Variants in COLGALT2 observed in about 807,000 individuals in gnomAD.
The protein encoded by COLGALT2 is collagen beta(1-O)galactosyltransferase 2.
Under a neutral mutation model 73.4 loss-of-function variants are expected in COLGALT2, and 49 were observed. The observed-to-expected ratio is 0.67, with a 90% CI of 0.53 to 0.85. The LOEUF (loss-of-function observed/expected upper bound fraction) is 0.85, where lower values mean the gene tolerates loss of function less well. COLGALT2 is among the 40% of genes least tolerant of loss of function. The probability of loss-of-function intolerance (pLI) is 0.00; values close to 1 mark genes in which losing one functional copy is unlikely to be tolerated. For missense variants in COLGALT2, 722 were observed against 790.2 expected, an observed-to-expected ratio of 0.91 and a Z score of 1.03; for synonymous variants, 295 against 307.6, an observed-to-expected ratio of 0.96 and a Z score of 0.43.
At chr1:183,992,013 C>A (rs1344135571) in intron 1 of COLGALT2, among the ~76,000 whole-genome samples, 1 of 152,060 alleles carries the variant, frequency 6.6e-6, no homozygotes, top group Non-Finnish European at 1.5e-5. Context: ...GTTGCTGTTG[C>A]CTTTACTACT....
chr1:183,938,055 C>T lies in COLGALT2; in HGVS notation c.*706G>A, dbSNP rs188479720. The T allele has an allele frequency of 2.0e-6, 2 of 985,430 alleles. No individual in the cohort carries two copies. Among genetic ancestry groups the T allele is most frequent in the Admixed American group, 1.2e-4 (2 of 16,292 alleles). The allele number at this position is 985,430 out of a possible 1,614,324, so 61.0% of individuals were successfully genotyped here. ...TTGAGTTTTTTCCCTCAAATACCTA[C>T]ACAAACTGTCAAATATCTACTAAAT... On this transcript the variant is annotated 3_prime_UTR_variant, in exon 12 of 12. Transcript: ENST00000361927.
At chr1:184,002,176 C>T (rs2102839677) in intron 1 of COLGALT2, among the ~76,000 whole-genome samples, 1 of 152,368 alleles carries the variant, frequency 6.6e-6, no homozygotes, top group African/African-American at 2.4e-5. Flanking sequence ...CTAGCCTGTT[C>T]CACAGGCTGT....
intron 4 of COLGALT2, among the ~76,000 whole-genome samples, chr1:183,969,921 C>T (rs796543334): frequency 4.8e-4 from 73 of 152,302 alleles, no homozygotes; most frequent in African/African-American, 1.6e-3. Context: ...ATCTCTAAAA[C>T]AGGGATGACG....
intron 1 of COLGALT2, among the ~76,000 whole-genome samples, chr1:183,996,917 T>G (rs1671784515): frequency 6.6e-6 from 1 of 152,222 alleles, no homozygotes. Flanking sequence ...TTTTACATTT[T>G]TGAGCTTATC....
intron 1 of COLGALT2, among the ~76,000 whole-genome samples, chr1:184,012,351 G>A (rs1572676273): frequency 6.6e-6 from 1 of 152,164 alleles, no homozygotes; most frequent in African/African-American, 2.4e-5. Context: ...AACCATGTGT[G>A]TGTTATTCCC....
intron 1 of COLGALT2, among the ~76,000 whole-genome samples, chr1:184,005,107 C>T (rs1176433630): frequency 6.6e-6 from 1 of 152,222 alleles, no homozygotes; most frequent in African/African-American, 2.4e-5. Context: ...CTCTTTGCCT[C>T]AGCCTGCCTG....
intron 1 of COLGALT2, among the ~76,000 whole-genome samples, chr1:183,991,728 G>T (rs528097934): frequency 2.0e-5 from 3 of 152,284 alleles, no homozygotes; most frequent in East Asian, 3.9e-4. Context: ...AGTTTGGCAG[G>T]TGTTAGATAC....
chr1:184,036,970 T>TC (rs1277924717), intron 1 of COLGALT2, 125 bp downstream of exon 1: 2 of 840,142 alleles, frequency 2.4e-6, no homozygotes, highest in Non-Finnish European at 3.1e-6. Context: ...GCGCCAGATT[T>TC]TCCGCGTGCC....
chr1:183,944,521 G>A (rs545446591), intron 9 of COLGALT2, among the ~76,000 whole-genome samples, 198 bp from the exon 10 acceptor site: 14 of 152,190 alleles, frequency 9.2e-5, no homozygotes, highest in African/African-American at 2.4e-4. Context: ...ACAATTAAAC[G>A]CAACGTTATA....
At chr1:184,023,693 T>C (rs1649246006) in intron 1 of COLGALT2, among the ~76,000 whole-genome samples, 1 of 152,064 alleles carries the variant, frequency 6.6e-6, no homozygotes, top group Non-Finnish European at 1.5e-5. Flanking sequence ...TTGCACTTAC[T>C]TATTTTGCAT....
At chr1:183,971,196 G>A (rs1671028525) in intron 4 of COLGALT2, among the ~76,000 whole-genome samples, 1 of 152,114 alleles carries the variant, frequency 6.6e-6, no homozygotes, top group South Asian at 2.1e-4. Flanking sequence ...CAACATCAAG[G>A]ACATTTTGTT....
At position 183,936,546 on chromosome 1, in the gene COLGALT2, A is replaced by C; in HGVS notation, c.*2215T>G. 9.3e-7 allele frequency: 1 copy of C among 1,080,802 alleles called. No individual in the cohort carries two copies. Among genetic ancestry groups the C allele is most frequent in the Non-Finnish European group, 1.1e-6 (1 of 892,624 alleles). 67.0% of individuals were successfully genotyped at this position (1,080,802 alleles called of 1,614,324 possible). The stretch of plus-strand genomic sequence containing the variant: ...CAGGAAAAAAAAAATTCTCTATTAA[A>C]CAAAACACCACAAAAATCAACCCAA... On this transcript the variant is annotated 3_prime_UTR_variant, in exon 12 of 12. Coordinates refer to ENST00000361927, the MANE Select transcript of COLGALT2 (RefSeq NM_015101.4).
intron 6 of COLGALT2, among the ~76,000 whole-genome samples, chr1:183,958,791 C>A (rs1198840104): frequency 6.6e-6 from 1 of 150,808 alleles, no homozygotes; most frequent in African/African-American, 2.4e-5. Flanking sequence ...TTCTCTTTTA[C>A]ATCATCAAGA....
chr1:183,983,069 A>T (rs1344080608), intron 1 of COLGALT2, among the ~76,000 whole-genome samples: 1 of 152,272 alleles, frequency 6.6e-6, no homozygotes, highest in Non-Finnish European at 1.5e-5. Flanking sequence ...ATGTCTAATT[A>T]AAAACAGATG....
At chr1:183,993,563 C>T (rs574870663) in intron 1 of COLGALT2, among the ~76,000 whole-genome samples, 4 of 152,164 alleles carry the variant, frequency 2.6e-5, no homozygotes, top group African/African-American at 9.6e-5. Flanking sequence ...AAAAAAGGAC[C>T]CAATGACTCC....
intron 5 of COLGALT2, among the ~76,000 whole-genome samples, chr1:183,968,781 G>T (rs878867489): frequency 6.6e-6 from 1 of 152,292 alleles, no homozygotes; most frequent in East Asian, 1.9e-4. Flanking sequence ...GCAGTACCTC[G>T]TGGAGTGTGA....
Position 183,938,605 on chromosome 1 carries a change from T to G in COLGALT2, c.*156A>C. ...CCTTATTTCCTTCCATGGTCAAAAA[T>G]ATGTTAATTTCGATCTATCACACTA... On this transcript the variant is annotated 3_prime_UTR_variant, in exon 12 of 12. Coordinates refer to ENST00000361927, the MANE Select transcript of COLGALT2 (RefSeq NM_015101.4). 7.0e-7 allele frequency: 1 copy of G among 1,426,200 alleles called. No homozygotes were observed. Among genetic ancestry groups the G allele is most frequent in the Non-Finnish European group, 9.2e-7 (1 of 1,088,650 alleles). The allele number at this position is 1,426,200 out of a possible 1,614,324, so 88.3% of individuals were successfully genotyped here. A position where few individuals can be genotyped will look rare whatever the true frequency, so the allele number is the denominator to read the frequency against.
intron 6 of COLGALT2, among the ~76,000 whole-genome samples, chr1:183,961,999 G>A (rs564509222): frequency 1.3e-5 from 2 of 152,162 alleles, no homozygotes; most frequent in Admixed American, 6.5e-5. Flanking sequence ...CATCTACCAC[G>A]TGACAGACAA....
At chr1:184,007,552 C>T (rs969025590) in intron 1 of COLGALT2, among the ~76,000 whole-genome samples, 4 of 152,050 alleles carry the variant, frequency 2.6e-5, no homozygotes, top group African/African-American at 7.3e-5. Flanking sequence ...TCAAACGATA[C>T]ATAATACTTG....
Sources: gnomAD v4.1 joint callset for allele counts (sites outside exome capture counted in the v4.1 genomes callset) on GRCh38, gnomAD v4.1.1 for gene constraint, MANE v1.5 for transcripts, NCBI Gene and HGNC (gene_info 2026-07-23, HGNC 2026-07-21) for gene names.